The following GNB4 variants were observed in gnomAD, a reference collection of about 807,000 sequenced individuals.
The protein encoded by GNB4 is guanine nucleotide-binding protein subunit beta-4.
A neutral mutation model predicts 45.2 loss-of-function variants in GNB4; 28 were observed. That is an observed-to-expected ratio of 0.62 (90% confidence interval 0.46 to 0.85). The LOEUF is 0.85. Among genes scored for constraint, GNB4 ranks in the 40% least tolerant of loss-of-function variants. The pLI, the probability that GNB4 is intolerant of heterozygous loss-of-function variation, is 0.00. For synonymous variants in GNB4, 132 were observed against 143.7 expected, an observed-to-expected ratio of 0.92 and a Z score of 0.58; for missense variants, 321 against 425.4, an observed-to-expected ratio of 0.75 and a Z score of 2.16.
At chr3:179,466,052 C>T in the GNB4 span, among the ~76,000 whole-genome samples, 1 of 145,750 alleles carries the variant, frequency 6.9e-6, no homozygotes. Context: ...GCTCTGTTGC[C>T]CAGGCTGGAG....
intron 2 of GNB4, among the ~76,000 whole-genome samples, chr3:179,422,481 CA>C (rs1014222565): frequency 2.2e-5 from 3 of 134,986 alleles, no homozygotes; most frequent in African/African-American, 8.5e-5. Flanking sequence ...AAAAGCAAAA[CA>C]AAACAAAAAA....
At chr3:179,484,836 A>ATATGTG in the GNB4 span, among the ~76,000 whole-genome samples, 2 of 146,996 alleles carry the variant, frequency 1.4e-5, no homozygotes, top group Non-Finnish European at 3.0e-5. Context: ...AGCTATATAT[A>ATATGTG]TGTGTGTGTG....
the GNB4 span, chr3:179,465,425 A>C: frequency 2.1e-5 from 10 of 465,900 alleles, no homozygotes; most frequent in Non-Finnish European, 3.5e-5. Context: ...AACATGGTGA[A>C]ACCCCCGTCT....
the GNB4 span, among the ~76,000 whole-genome samples, chr3:179,476,043 G>T: frequency 6.6e-6 from 1 of 152,160 alleles, no homozygotes; most frequent in Admixed American, 6.5e-5. Context: ...CAGCTCAAAA[G>T]TTCAAAATCC....
chr3:179,511,425 C>G, the GNB4 span, among the ~76,000 whole-genome samples: 1 of 152,182 alleles, frequency 6.6e-6, no homozygotes, highest in Non-Finnish European at 1.5e-5. Flanking sequence ...TAGATGAAAT[C>G]TGGTTGCTTT....
chr3:179,505,092 A>G, the GNB4 span, among the ~76,000 whole-genome samples: 1 of 152,228 alleles, frequency 6.6e-6, no homozygotes, highest in Non-Finnish European at 1.5e-5. Context: ...CATGAAGCTG[A>G]TCCACAGCTA....
chr3:179,418,495 A>AAG (rs1714874381), intron 4 of GNB4, among the ~76,000 whole-genome samples: 2 of 151,136 alleles, frequency 1.3e-5, no homozygotes, highest in Non-Finnish European at 2.9e-5. Context: ...AAAAGAAAAA[A>AAG]GAAAAGAAAA....
chr3:179,501,079 TA>T, the GNB4 span, among the ~76,000 whole-genome samples: 1 of 152,232 alleles, frequency 6.6e-6, no homozygotes, highest in Non-Finnish European at 1.5e-5. Context: ...AAGTAGCAGA[TA>T]GCTGGAGGCA....
At chr3:179,502,430 A>C in the GNB4 span, among the ~76,000 whole-genome samples, 2 of 151,692 alleles carry the variant, frequency 1.3e-5, no homozygotes, top group African/African-American at 4.8e-5. Context: ...ACAAGGTTTC[A>C]CTATGTTGGC....
At chr3:179,469,405 A>G in the GNB4 span, among the ~76,000 whole-genome samples, 4 of 152,256 alleles carry the variant, frequency 2.6e-5, no homozygotes, top group African/African-American at 9.6e-5. Flanking sequence ...GAAAGAGTAA[A>G]GCACAAGTAG....
At chr3:179,444,444 T>C (rs1182494486) in intron 1 of GNB4, among the ~76,000 whole-genome samples, 1 of 149,226 alleles carries the variant, frequency 6.7e-6, no homozygotes, top group African/African-American at 2.5e-5. Context: ...TTTTTTAACC[T>C]CTCAACCGCT....
the GNB4 span, among the ~76,000 whole-genome samples, chr3:179,486,992 T>A: frequency 6.6e-6 from 1 of 152,190 alleles, no homozygotes; most frequent in Admixed American, 6.5e-5. Context: ...ATTGGGCCTG[T>A]AATTAGACAA....
At chr3:179,427,704 C>G (rs1715187897) in intron 1 of GNB4, among the ~76,000 whole-genome samples, 1 of 151,470 alleles carries the variant, frequency 6.6e-6, no homozygotes, top group Non-Finnish European at 1.5e-5. Flanking sequence ...ATACTTTGGT[C>G]TCCAGTAAAT....
chr3:179,430,514 A>T (rs926049105), intron 1 of GNB4, among the ~76,000 whole-genome samples: 2 of 152,110 alleles, frequency 1.3e-5, no homozygotes, highest in African/African-American at 2.4e-5. Context: ...GTGCAGCAGC[A>T]CAATCACAGC....
At chr3:179,502,649 G>A in the GNB4 span, among the ~76,000 whole-genome samples, 577 of 152,020 alleles carry the variant, frequency 3.8e-3, 6 homozygotes, top group African/African-American at 0.013. Flanking sequence ...GGATAATTGA[G>A]TAGGCAATGG....
the GNB4 span, among the ~76,000 whole-genome samples, chr3:179,463,815 T>C: frequency 7.2e-5 from 11 of 152,204 alleles, no homozygotes; most frequent in African/African-American, 2.2e-4. Context: ...CAGCCCTTCA[T>C]AGAGTCTCTT....
At chr3:179,443,459 A>T (rs1428905530) in intron 1 of GNB4, among the ~76,000 whole-genome samples, 1 of 152,042 alleles carries the variant, frequency 6.6e-6, no homozygotes, top group Non-Finnish European at 1.5e-5. Flanking sequence ...GAATCTTTTG[A>T]GCCTGGGAGA....
Position 179,415,747 on chromosome 3 carries a change from T to A in GNB4, c.268-700A>T, listed in dbSNP as rs185661546. Reference sequence around the variant, plus strand: ...CCTAAAATAATACGCTTAAAATACATTTTTTTTGTTTTATGAAAATATAGT... The same window carrying A: ...CCTAAAATAATACGCTTAAAATACAATTTTTTTGTTTTATGAAAATATAGT... On this transcript the variant is annotated intron_variant, in intron 5 of 9. Coordinates refer to ENST00000232564, the MANE Select transcript of GNB4 (RefSeq NM_021629.4). Among the ~76,000 whole-genome samples, 71 of 150,786 alleles carry A rather than the reference T, an allele frequency of 4.7e-4. 2 individuals are homozygous for A. Among genetic ancestry groups the A allele is most frequent in the Non-Finnish European group, 2.4e-4 (16 of 67,952 alleles).
At chr3:179,521,210 C>G in the GNB4 span, among the ~76,000 whole-genome samples, 1 of 152,184 alleles carries the variant, frequency 6.6e-6, no homozygotes. Context: ...TTTGGCCTTC[C>G]CACCTCTATA....
Sources: gnomAD v4.1 joint callset for allele counts (sites outside exome capture counted in the v4.1 genomes callset) on GRCh38, gnomAD v4.1.1 for gene constraint, MANE v1.5 for transcripts, NCBI Gene and HGNC (gene_info 2026-07-23, HGNC 2026-07-21) for gene names.